Variants in CSMD1 observed in about 807,000 individuals in gnomAD.
CSMD1 encodes the protein CUB and Sushi multiple domains 1.
In CSMD1, 213 loss-of-function variants were observed where a neutral mutation model predicts 417.5. The ratio of observed to expected loss-of-function variants is 0.51; its 90% CI spans 0.46 to 0.57. The LOEUF (loss-of-function observed/expected upper bound fraction) is 0.57. CSMD1 is among the 20% of genes least tolerant of loss of function. The pLI is 0.00. For missense variants in CSMD1, 6,923 were observed against 4,529.7 expected (o/e 1.53, Z -15.17); for synonymous variants, 2,862 against 1,736.8 (o/e 1.65, Z -16.11).
At chr8:3,876,367 G>A (rs559345329) in intron 5 of CSMD1, among the ~76,000 whole-genome samples, 4 of 152,104 alleles carry the variant, frequency 2.6e-5, no homozygotes, top group African/African-American at 9.7e-5. Flanking sequence ...GTATAGTGTT[G>A]TCCTAGAGTA....
At chr8:4,601,551 A>T (rs1413153060) in intron 2 of CSMD1, among the ~76,000 whole-genome samples, 1 of 152,170 alleles carries the variant, frequency 6.6e-6, no homozygotes, top group East Asian at 1.9e-4. Context: ...ACAGATGATA[A>T]AAGGTAGTAT....
chr8:3,235,666 T>G (rs1255685287), intron 26 of CSMD1, among the ~76,000 whole-genome samples: 1 of 152,172 alleles, frequency 6.6e-6, no homozygotes, highest in Admixed American at 6.6e-5. Flanking sequence ...CAAATAGAAG[T>G]CCACAGAATA....
intron 6 of CSMD1, among the ~76,000 whole-genome samples, chr8:3,728,672 G>C (rs1054473675): frequency 6.6e-6 from 1 of 151,940 alleles, no homozygotes; most frequent in Admixed American, 6.6e-5. Context: ...AACAGAAGGA[G>C]AAAGTAGAAA....
intron 4 of CSMD1, among the ~76,000 whole-genome samples, chr8:4,010,546 T>G (rs1349320229): frequency 1.3e-5 from 2 of 152,042 alleles, no homozygotes; most frequent in Non-Finnish European, 2.9e-5. Context: ...CCCTCTATCT[T>G]CTCACTACCA....
chr8:3,788,673 G>C (rs748238086), intron 5 of CSMD1, among the ~76,000 whole-genome samples: 3 of 152,116 alleles, frequency 2.0e-5, no homozygotes, highest in Non-Finnish European at 4.4e-5. Context: ...AAAAATGTAA[G>C]TACCTCTCCA....
chr8:4,035,363 A>T (rs1226872981), intron 3 of CSMD1, among the ~76,000 whole-genome samples: 1 of 152,142 alleles, frequency 6.6e-6, no homozygotes, highest in Non-Finnish European at 1.5e-5. Context: ...TATACTTTTT[A>T]TCATTATTTC....
intron 15 of CSMD1, among the ~76,000 whole-genome samples, chr8:3,405,328 G>T (rs1812281795): frequency 6.6e-6 from 1 of 152,082 alleles, no homozygotes; most frequent in Non-Finnish European, 1.5e-5. Context: ...TTTAAAATGA[G>T]TAATTATTAG....
intron 2 of CSMD1, among the ~76,000 whole-genome samples, chr8:4,501,717 T>C (rs909198707): frequency 3.9e-5 from 6 of 152,316 alleles, no homozygotes; most frequent in Admixed American, 2.6e-4. Context: ...ATTAGTCACT[T>C]AGTAGCCATA....
At chr8:4,115,326 T>C (rs1307460843) in intron 3 of CSMD1, among the ~76,000 whole-genome samples, 2 of 152,210 alleles carry the variant, frequency 1.3e-5, no homozygotes, top group Non-Finnish European at 2.9e-5. Flanking sequence ...TTAAGGTATG[T>C]ACACATTTTA....
chr8:4,185,151 A>T (rs753737411), intron 3 of CSMD1, among the ~76,000 whole-genome samples: 6,046 of 150,658 alleles, frequency 0.04, 217 homozygotes, highest in East Asian at 0.13. Flanking sequence ...AAAAAAAAAA[A>T]AAAAAAAAAA....
chr8:4,177,522 T>C (rs1341225759), intron 3 of CSMD1, among the ~76,000 whole-genome samples: 5 of 152,020 alleles, frequency 3.3e-5, no homozygotes, highest in Admixed American at 2.6e-4. Flanking sequence ...TTAAAAGAAC[T>C]AGAAAAACAA....
At chr8:4,832,148 T>C (rs1179011940) in intron 1 of CSMD1, among the ~76,000 whole-genome samples, 1 of 152,192 alleles carries the variant, frequency 6.6e-6, no homozygotes, top group Admixed American at 6.5e-5. Context: ...TTTCCTGGTA[T>C]TTTAATTACA....
chr8:4,772,068 G>A (rs1267790639), intron 1 of CSMD1, among the ~76,000 whole-genome samples: 1 of 152,202 alleles, frequency 6.6e-6, no homozygotes, highest in Non-Finnish European at 1.5e-5. Flanking sequence ...GGTATCGGCA[G>A]GCTGTATTTC....
chr8:4,365,492 G>A (rs1414813166), intron 3 of CSMD1, among the ~76,000 whole-genome samples: 1 of 152,130 alleles, frequency 6.6e-6, no homozygotes, highest in Non-Finnish European at 1.5e-5. Flanking sequence ...TGGCCTTAGG[G>A]CAGTGCTACG....
At chr8:4,683,243 T>A (rs1375218939) in intron 1 of CSMD1, among the ~76,000 whole-genome samples, 1 of 152,044 alleles carries the variant, frequency 6.6e-6, no homozygotes, top group Admixed American at 6.6e-5. Context: ...TGATCTCAAT[T>A]TCCTTTTCAG....
At chr8:4,570,744 T>C (rs1354875646) in intron 2 of CSMD1, among the ~76,000 whole-genome samples, 1 of 152,212 alleles carries the variant, frequency 6.6e-6, no homozygotes, top group Non-Finnish European at 1.5e-5. Context: ...GCACCTCTTG[T>C]AGAATTCGGC....
intron 25 of CSMD1, among the ~76,000 whole-genome samples, chr8:3,298,231 A>T (rs138839060): frequency 1.5e-3 from 227 of 152,324 alleles, no homozygotes; most frequent in African/African-American, 5.3e-3. Context: ...TCCTGGCCTC[A>T]GTGTATACCC....
At chr8:4,434,155 T>A (rs974722526) in intron 2 of CSMD1, among the ~76,000 whole-genome samples, 1 of 152,154 alleles carries the variant, frequency 6.6e-6, no homozygotes, top group African/African-American at 2.4e-5. Flanking sequence ...TTGGCCAACA[T>A]GGTGAAAACC....
chr8:3,760,380 A>T (rs1250602035), intron 5 of CSMD1, among the ~76,000 whole-genome samples: 1 of 151,902 alleles, frequency 6.6e-6, no homozygotes, highest in East Asian at 1.9e-4. Context: ...TAAATGGAGG[A>T]CTCATGGGAT....
Sources: allele counts gnomAD v4.1 joint callset (sites outside exome capture counted in the v4.1 genomes callset), GRCh38; gene constraint gnomAD v4.1.1; transcripts MANE v1.5; gene names NCBI Gene and HGNC (gene_info 2026-07-23, HGNC 2026-07-21).